Variants in N4BP2L2 observed in about 807,000 individuals in gnomAD.
N4BP2L2 encodes NEDD4 binding protein 2 like 2, also known as NEDD4-binding protein 2-like 2.
N4BP2L2 carries 50 observed loss-of-function variants against 56.2 expected under a neutral mutation model. The ratio of observed to expected loss-of-function variants is 0.89; its 90% CI spans 0.71 to 1.13. N4BP2L2 has a LOEUF of 1.13. N4BP2L2 is among the 50% of genes most tolerant of loss of function. The pLI, the probability that N4BP2L2 is intolerant of heterozygous loss-of-function variation, is 0.00. For synonymous variants in N4BP2L2, 203 were observed against 223.6 expected, an observed-to-expected ratio of 0.91 and a Z score of 0.82; for missense variants, 689 against 693.8, an observed-to-expected ratio of 0.99 and a Z score of 0.08.
At chr13:32,472,267 T>C (rs1327216851) in intron 6 of N4BP2L2, among the ~76,000 whole-genome samples, 1 of 152,102 alleles carries the variant, frequency 6.6e-6, no homozygotes, top group Non-Finnish European at 1.5e-5. Flanking sequence ...GTCCTAAAAA[T>C]ATAGTCTAAA....
chr13:32,442,953 C>T (rs559227231), exon 7 of N4BP2L2: 4 of 1,613,332 alleles, frequency 2.5e-6, no homozygotes, highest in Middle Eastern at 1.7e-4. Flanking sequence ...TTTCTTCTCC[C>T]AAAGTAATTT....
At chr13:32,536,640 G>A in exon 2 of N4BP2L2, 1 of 1,613,896 alleles carries the variant, frequency 6.2e-7, no homozygotes, top group Non-Finnish European at 8.5e-7. Flanking sequence ...TTCTCAGGGG[G>A]TTTGTAAATG....
At chr13:32,479,940 A>G (rs964959051) in intron 6 of N4BP2L2, among the ~76,000 whole-genome samples, 3 of 152,116 alleles carry the variant, frequency 2.0e-5, no homozygotes, top group African/African-American at 7.2e-5. Context: ...AAAATAAGAC[A>G]GAGTCAATGT....
At chr13:32,508,693 A>G (rs1365113869), downstream of N4BP2L2, 1 of 152,200 alleles carries the variant, frequency 6.6e-6, no homozygotes, top group Non-Finnish European at 1.5e-5. Flanking sequence ...AAAATCATGT[A>G]AAGATATCCA....
chr13:32,463,703 G>C (rs1246116273), intron 6 of N4BP2L2, among the ~76,000 whole-genome samples: 2 of 149,726 alleles, frequency 1.3e-5, no homozygotes, highest in African/African-American at 2.4e-5. Flanking sequence ...TAAGAGATCA[G>C]TGTTAGGATT....
chr13:32,536,639 G>A (rs760717094), exon 2 of N4BP2L2: 1 of 1,613,766 alleles, frequency 6.2e-7, no homozygotes, highest in South Asian at 1.1e-5. Flanking sequence ...TTTCTCAGGG[G>A]GTTTGTAAAT....
At chr13:32,464,580 T>C (rs561448827) in intron 6 of N4BP2L2, among the ~76,000 whole-genome samples, 1 of 152,322 alleles carries the variant, frequency 6.6e-6, no homozygotes, top group Non-Finnish European at 1.5e-5. Flanking sequence ...CTGCAGCTTC[T>C]TGCATATATC....
intron 6 of N4BP2L2, among the ~76,000 whole-genome samples, chr13:32,464,788 A>C (rs994339428): frequency 1.3e-5 from 2 of 152,202 alleles, no homozygotes; most frequent in African/African-American, 4.8e-5. Context: ...AAATAGCAAA[A>C]TAAGTAAAAG....
At chr13:32,513,642 T>TA (rs1161342779) in exon 6 of N4BP2L2, 2 of 152,130 alleles carry the variant, frequency 1.3e-5, no homozygotes, top group Non-Finnish European at 2.9e-5. Context: ...ATCACTAACT[T>TA]AACTCCTGCT....
At chr13:32,447,583 T>C (rs1431553741) in intron 6 of N4BP2L2, among the ~76,000 whole-genome samples, 1 of 152,144 alleles carries the variant, frequency 6.6e-6, no homozygotes, top group Non-Finnish European at 1.5e-5. Context: ...TACTGCAACA[T>C]AAAAGTCTGC....
chr13:32,514,161 T>C (rs765366667), exon 6 of N4BP2L2: 1 of 152,102 alleles, frequency 6.6e-6, no homozygotes, highest in Non-Finnish European at 1.5e-5. Flanking sequence ...TAATCTTACT[T>C]TTAAAACAGA....
At chr13:32,514,318 T>C (rs1190111575) in exon 6 of N4BP2L2, 1 of 152,080 alleles carries the variant, frequency 6.6e-6, no homozygotes, top group Non-Finnish European at 1.5e-5. Flanking sequence ...AATCATAAAT[T>C]CATTTACCAC....
intron 6 of N4BP2L2, among the ~76,000 whole-genome samples, chr13:32,465,170 T>C (rs2081002375): frequency 6.6e-6 from 1 of 152,126 alleles, no homozygotes; most frequent in African/African-American, 2.4e-5. Context: ...TTTCACCATG[T>C]TGGCCAAGCT....
intron 6 of N4BP2L2, among the ~76,000 whole-genome samples, chr13:32,497,984 TA>T (rs2089144985): frequency 2.0e-5 from 3 of 152,186 alleles, no homozygotes; most frequent in Middle Eastern, 3.4e-3. Context: ...TTAGACACAG[TA>T]ATTTTTTTTC....
chr13:32,538,242 T>C (rs555734282), intron 1 of N4BP2L2, among the ~76,000 whole-genome samples: 1 of 152,248 alleles, frequency 6.6e-6, no homozygotes, highest in South Asian at 2.1e-4. Flanking sequence ...GCCACAGAGC[T>C]GGAGGAAGAC....
chr13:32,468,085 T>C (rs1470541012), intron 6 of N4BP2L2, among the ~76,000 whole-genome samples: 1 of 152,054 alleles, frequency 6.6e-6, no homozygotes, highest in Non-Finnish European at 1.5e-5. Context: ...AAACAGGCAA[T>C]GAGAGATATG....
intron 6 of N4BP2L2, among the ~76,000 whole-genome samples, chr13:32,471,064 AAGG>A (rs1314822638): frequency 3.3e-5 from 5 of 152,214 alleles, no homozygotes; most frequent in African/African-American, 1.2e-4. Flanking sequence ...GATGATCAAC[AAGG>A]AGGTGACACC....
downstream of N4BP2L2, chr13:32,505,959 A>G (rs1196343895): frequency 6.6e-6 from 1 of 152,210 alleles, no homozygotes; most frequent in Non-Finnish European, 1.5e-5. Context: ...TCTAAAGCCA[A>G]TTCCACATTT....
exon 7 of N4BP2L2, chr13:32,442,681 G>C: frequency 6.2e-7 from 1 of 1,613,774 alleles, no homozygotes; most frequent in Non-Finnish European, 8.5e-7. Context: ...AGATTCGAAA[G>C]TCAAAAACAG....
Sources: allele counts gnomAD v4.1 joint callset (sites outside exome capture counted in the v4.1 genomes callset), GRCh38; gene constraint gnomAD v4.1.1; transcripts MANE v1.5; gene names NCBI Gene and HGNC (gene_info 2026-07-23, HGNC 2026-07-21).